The following UBE4B variants were observed in gnomAD, a reference collection of about 807,000 sequenced individuals.
The protein encoded by UBE4B is ubiquitination factor E4B.
UBE4B carries 27 observed loss-of-function variants against 148.1 expected under a neutral mutation model. That is an observed-to-expected ratio of 0.18 (90% CI 0.13 to 0.25). The LOEUF (loss-of-function observed/expected upper bound fraction) is 0.25, where lower values mean the gene tolerates loss of function less well. UBE4B is among the 10% of genes least tolerant of loss of function. UBE4B has a pLI of 1.00. For synonymous variants in UBE4B, 596 were observed against 619.3 expected, an observed-to-expected ratio of 0.96 and a Z score of 0.56; for missense variants, 1,170 against 1,662.4, an observed-to-expected ratio of 0.70 and a Z score of 5.15.
intron 25 of UBE4B, among the ~76,000 whole-genome samples, chr1:10,178,013 T>C (rs1193633295): frequency 6.6e-6 from 1 of 151,946 alleles, no homozygotes; most frequent in African/African-American, 2.4e-5. Context: ...ACTCCACAAC[T>C]TCCCTTCCTG....
intron 25 of UBE4B, among the ~76,000 whole-genome samples, chr1:10,177,385 G>T (rs1479708674): frequency 6.6e-6 from 1 of 152,034 alleles, no homozygotes; most frequent in Non-Finnish European, 1.5e-5. Flanking sequence ...AGCCAGCCGT[G>T]GTGGCGCACA....
intron 5 of UBE4B, among the ~76,000 whole-genome samples, chr1:10,103,405 T>C (rs1459798513): frequency 4.7e-5 from 3 of 63,256 alleles, no homozygotes; most frequent in South Asian, 7.8e-4. Flanking sequence ...TCCTCTTTAT[T>C]TATTTATTTA....
chr1:10,179,543 A>G lies in UBE4B; in HGVS notation c.3828A>G (p.Thr1276=). Residue 1276 remains threonine, a synonymous_variant, in exon 27 of 28, where the codon ACA becomes ACG. Transcript: ENST00000343090. Reference sequence around the variant, plus strand: ...ACCCCTTCAACCGGCAGACGCTGACAGAGAGCATGCTGGAACCAGGTAGAG... The same window carrying G: ...ACCCCTTCAACCGGCAGACGCTGACGGAGAGCATGCTGGAACCAGGTAGAG... ...PTDPFNRQTL[T]ESMLEPVPEL... is the part of the protein sequence containing the mutation. The G allele has an allele frequency of 2.5e-6, 4 of 1,613,596 alleles. No individual in the cohort carries two copies. The highest frequency in any genetic ancestry group is 3.4e-6 in the Non-Finnish European group (4 of 1,180,026).
chr1:10,128,324 AT>A (rs1452395381), intron 11 of UBE4B: 2 of 152,222 alleles, frequency 1.3e-5, no homozygotes, highest in Non-Finnish European at 2.9e-5. Context: ...TTGTGCCATT[AT>A]TGATGCTTGC....
At chr1:10,129,685 C>T (rs1436529171) in intron 12 of UBE4B, among the ~76,000 whole-genome samples, 2 of 152,110 alleles carry the variant, frequency 1.3e-5, no homozygotes, top group East Asian at 3.8e-4. Context: ...CTCACTCTGT[C>T]ACCCAGGCTG....
At chr1:10,104,066 C>T (rs1408709144) in intron 5 of UBE4B, among the ~76,000 whole-genome samples, 1 of 152,110 alleles carries the variant, frequency 6.6e-6, no homozygotes, top group Non-Finnish European at 1.5e-5. Context: ...GGCCTTACCT[C>T]CTCTTATGAA....
chr1:10,039,850 CAT>C (rs1191603311), intron 1 of UBE4B, among the ~76,000 whole-genome samples: 3 of 152,026 alleles, frequency 2.0e-5, no homozygotes, highest in Non-Finnish European at 2.9e-5. Context: ...GACTGCAAGA[CAT>C]ATTAGGAGGC....
intron 17 of UBE4B, among the ~76,000 whole-genome samples, chr1:10,137,921 CTTTTTTTTTTTTTT>C (rs70998351): frequency 1.6e-4 from 11 of 66,984 alleles, no homozygotes; most frequent in Admixed American, 1.1e-3. Flanking sequence ...CTTACTAATT[CTTTTTTTTTTTTTT>C]TTTTTTTTTT....
intron 8 of UBE4B, among the ~76,000 whole-genome samples, chr1:10,117,889 T>C (rs761238658): frequency 1.3e-5 from 2 of 152,204 alleles, no homozygotes; most frequent in Non-Finnish European, 2.9e-5. Context: ...CAGTGACTCA[T>C]ATGGCCCTGA....
chr1:10,147,946 G>T (rs1423172328), intron 19 of UBE4B, among the ~76,000 whole-genome samples: 1 of 152,220 alleles, frequency 6.6e-6, no homozygotes, highest in Non-Finnish European at 1.5e-5. Flanking sequence ...TATGTGTGTA[G>T]GCCGGGTGCG....
intron 1 of UBE4B, 142 bp downstream of exon 1, chr1:10,033,836 C>A (rs919636996): frequency 2.4e-6 from 2 of 830,220 alleles, no homozygotes; most frequent in South Asian, 5.8e-5. Context: ...AACGTGACTC[C>A]CCGATAGGGT....
At chr1:10,072,318 TCA>T in intron 2 of UBE4B, 104 bp downstream of exon 2, 1 of 1,353,202 alleles carries the variant, frequency 7.4e-7, no homozygotes, top group East Asian at 2.4e-5. Flanking sequence ...GAAGCAGACA[TCA>T]GCTCTTTAAA....
At position 10,161,324 on chromosome 1, in the gene UBE4B, G is replaced by T. The variant is rs1646156151; in HGVS notation, c.3198+38G>T. 1 of 1,601,178 alleles carries T rather than the reference G, an allele frequency of 6.2e-7. No individual in the cohort carries two copies. The highest frequency in any genetic ancestry group is 1.1e-5 in the South Asian group (1 of 90,144). ...TCCAGAGGCTTGGACAGCTTTGCAG[G>T]CCATCTGCCTCCACACACGGGCAGA... On this transcript the variant is annotated intron_variant, in intron 23 of 27. Coordinates refer to ENST00000343090, the MANE Select transcript of UBE4B (RefSeq NM_001105562.3). This position sits in a 1 kb window ranked among gnomAD's most constrained non-coding sequence, Gnocchi z 4.1.
At chr1:10,179,055 C>T (rs866323001) in intron 26 of UBE4B, 24 of 491,774 alleles carry the variant, frequency 4.9e-5, no homozygotes, top group African/African-American at 1.8e-4. Flanking sequence ...ATTCTAAGGG[C>T]AGGGCTGCCT....
At chr1:10,116,370 T>C (rs1645309615) in intron 7 of UBE4B, among the ~76,000 whole-genome samples, 1 of 152,132 alleles carries the variant, frequency 6.6e-6, no homozygotes, top group African/African-American at 2.4e-5. Flanking sequence ...CTTGAACTCC[T>C]GGCCTCAAGT....
chr1:10,144,733 TA>T lies in UBE4B; in HGVS notation c.2364-191del, dbSNP rs765648505. ...CTGGTGACAGAGCGAGACTCTGTCT[TA>T]AAAAAAAAAAAAAAAGAAAGAAAGA... is the stretch of plus-strand genomic sequence containing the variant. On this transcript the variant is annotated intron_variant, in intron 17 of 27. Coordinates refer to ENST00000343090, the MANE Select transcript of UBE4B (RefSeq NM_001105562.3). Among the ~76,000 whole-genome samples the T allele has an allele frequency of 2.8e-3, 381 of 135,976 alleles. 2 individuals are homozygous for T. The highest frequency in any genetic ancestry group is 0.017 in the East Asian group (80 of 4,676). 89.2% of individuals were successfully genotyped at this position (135,976 alleles called of 152,430 possible).
chr1:10,121,335 A>G (rs1010619877), intron 9 of UBE4B, among the ~76,000 whole-genome samples: 3 of 152,202 alleles, frequency 2.0e-5, no homozygotes, highest in Admixed American at 6.6e-5. Flanking sequence ...AGCCTGGGCA[A>G]CAGAGCGAGA....
At chr1:10,107,093 T>C (rs964430701) in intron 7 of UBE4B, 3 of 754,400 alleles carry the variant, frequency 4.0e-6, no homozygotes, top group Non-Finnish European at 5.7e-6. Flanking sequence ...AGGTGAATTA[T>C]GTTTCTGCAT....
At chr1:10,049,446 G>T (rs901635191) in intron 1 of UBE4B, among the ~76,000 whole-genome samples, 1 of 152,080 alleles carries the variant, frequency 6.6e-6, no homozygotes, top group African/African-American at 2.4e-5. Flanking sequence ...CTAGGATTTT[G>T]ACAATTAGAA....
Sources: allele counts gnomAD v4.1 joint callset (sites outside exome capture counted in the v4.1 genomes callset), GRCh38; gene constraint gnomAD v4.1.1; non-coding constraint Gnocchi (gnomAD v3.1); transcripts MANE v1.5; gene names NCBI Gene and HGNC (gene_info 2026-07-23, HGNC 2026-07-21).